DNMT3A: variants seen among roughly 807,000 people sequenced by gnomAD.
DNMT3A encodes DNA methyltransferase 3 alpha, also known as DNA (cytosine-5)-methyltransferase 3A.
Under a neutral mutation model 117.6 loss-of-function variants are expected in DNMT3A, and 267 were observed. That is an observed-to-expected ratio of 2.27 (90% CI 2.05 to 2.51). The LOEUF is 2.51. DNMT3A is among the 30% of genes most tolerant of loss of function. DNMT3A has a pLI of 0.00. For synonymous variants in DNMT3A, 432 were observed against 474.8 expected (o/e 0.91, Z 1.17); for missense variants, 1,029 against 1,260.2 (o/e 0.82, Z 2.78).
rs2149307552 is a variant in DNMT3A, at chr2:25,247,630, G to A, written c.975C>T (p.Thr325=). 1 of 1,614,000 alleles carries A rather than the reference G, an allele frequency of 6.2e-7. No individual in the cohort carries two copies. The highest frequency in any genetic ancestry group is 8.5e-7 in the Non-Finnish European group (1 of 1,180,004). Residue 325 remains threonine, a synonymous_variant, in exon 8 of 23, where the codon ACC becomes ACT. Coordinates refer to ENST00000321117, the MANE Select transcript of DNMT3A (RefSeq NM_022552.5). The surrounding 1 kb of genome is among the most constrained non-coding windows in gnomAD (Gnocchi z 5.6). ...MTGRSRAAEG[T]RWVMWFGDGK... is the part of the protein sequence containing the mutation. Reference sequence around the variant, plus strand: ...CGTCTCCGAACCACATGACCCAGCGGGTGCCTTCAGCTGCTCGGCTCCGGC... The same window carrying A: ...CGTCTCCGAACCACATGACCCAGCGAGTGCCTTCAGCTGCTCGGCTCCGGC...
At chr2:25,295,979 T>C (rs79146187) in intron 3 of DNMT3A, among the ~76,000 whole-genome samples, 1 of 152,222 alleles carries the variant, frequency 6.6e-6, no homozygotes, top group Non-Finnish European at 1.5e-5. Flanking sequence ...TGGTTCCAGA[T>C]TTTTAAATTC....
intron 1 of DNMT3A, among the ~76,000 whole-genome samples, chr2:25,317,585 A>C (rs2034432732): frequency 6.6e-6 from 1 of 152,232 alleles, no homozygotes; most frequent in South Asian, 2.1e-4. Flanking sequence ...CGAGAGGCTG[A>C]GTGAGAGTAG....
At chr2:25,300,997 A>T (rs1037139396) in intron 2 of DNMT3A, among the ~76,000 whole-genome samples, 2 of 151,632 alleles carry the variant, frequency 1.3e-5, no homozygotes, top group Non-Finnish European at 1.5e-5. Flanking sequence ...ATCGCTGGGC[A>T]TGGTGGCTCA....
intron 6 of DNMT3A, among the ~76,000 whole-genome samples, chr2:25,272,795 C>T (rs559546557): frequency 1.3e-4 from 18 of 137,664 alleles, no homozygotes; most frequent in Non-Finnish European, 2.1e-4. Context: ...CCCTGTTCTG[C>T]ACTTTCTCTT....
Position 25,282,703 on chromosome 2 carries a change from G to A in DNMT3A, c.186C>T (p.Ser62=), listed in dbSNP as rs775703720. The A allele has an allele frequency of 2.1e-5, 32 of 1,525,728 alleles. No individual in the cohort carries two copies. Among genetic ancestry groups the A allele is most frequent in the Non-Finnish European group, 2.5e-5 (28 of 1,135,824 alleles). 94.5% of individuals were successfully genotyped at this position (1,525,728 alleles called of 1,614,324 possible). A position where few individuals can be genotyped will look rare whatever the true frequency, so the allele number is the denominator to read the frequency against. Residue 62 remains serine, a synonymous_variant, in exon 4 of 23, where the codon AGC becomes AGT. Transcript: ENST00000321117. This position sits in a 1 kb window ranked among gnomAD's most constrained non-coding sequence, Gnocchi z 5.2. ...GRKRKHPPVE[S]GDTPKDPAVI... ...CCGCAGGGTCCTTTGGCGTGTCACC[G>A]CTTTCCACCTGCAAATGTAAGAAAG... is the stretch of plus-strand genomic sequence containing the variant.
chr2:25,305,938 G>A lies in DNMT3A; in HGVS notation c.73-5695C>T, dbSNP rs1019092551. On this transcript the variant is annotated intron_variant, in intron 2 of 22. Coordinates refer to ENST00000321117, the MANE Select transcript of DNMT3A (RefSeq NM_022552.5). This position sits in a 1 kb window ranked among gnomAD's most constrained non-coding sequence, Gnocchi z 4.1. The stretch of plus-strand genomic sequence containing the variant: ...CCAGCATCGGTTGAGCAGATGTCTC[G>A]AGTTGGTGCTTGAGTCGAGGGGATG... Among the ~76,000 whole-genome samples the A allele has an allele frequency of 4.6e-5, 7 of 152,200 alleles. No homozygotes were observed. Among genetic ancestry groups the A allele is most frequent in the African/African-American group, 1.4e-4 (6 of 41,454 alleles).
At position 25,282,580 on chromosome 2, in the gene DNMT3A, C is replaced by T. The variant is rs770121557; in HGVS notation, c.309G>A (p.Glu103=). 8.7e-6 allele frequency: 14 copies of T among 1,613,506 alleles called. No individual in the cohort carries two copies. Among genetic ancestry groups the T allele is most frequent in the Admixed American group, 3.3e-5 (2 of 59,982 alleles). ...CCTTCTGCCCCCCAGCAGGGCTCCC[C>T]TCCTCTGGCTGGGGCTCACTCCGCT... ...LEKRSEPQPE[E]GSPAGGQKGG... is the part of the protein sequence containing the mutation. Residue 103 remains glutamate, a synonymous_variant, in exon 4 of 23, where the codon GAG becomes GAA. Coordinates refer to ENST00000321117, the MANE Select transcript of DNMT3A (RefSeq NM_022552.5). The surrounding 1 kb of genome is among the most constrained non-coding windows in gnomAD (Gnocchi z 5.2).
chr2:25,259,144 G>A lies in DNMT3A; in HGVS notation c.640-10892C>T, dbSNP rs1408482234. On this transcript the variant is annotated intron_variant, in intron 6 of 22. Coordinates refer to ENST00000321117, the MANE Select transcript of DNMT3A (RefSeq NM_022552.5). ...CGCCATCAGGCTCTGGAGCTTTGGT[G>A]GCTGCCTTCCCTTTCCCTATAGCCT... Among the ~76,000 whole-genome samples the A allele has an allele frequency of 2.0e-5, 3 of 152,216 alleles. No homozygotes were observed. In the East Asian group the frequency reaches 5.8e-4, roughly 29 times the overall value.
chr2:25,246,852 C>CT, intron 9 of DNMT3A, 76 bp from the exon 10 acceptor site: 1 of 1,579,954 alleles, frequency 6.3e-7, no homozygotes, highest in Non-Finnish European at 8.6e-7. Context: ...AGGCCAGACT[C>CT]TGAGTAGTGA....
At chr2:25,245,825 A>T (rs1265130291) in intron 12 of DNMT3A, among the ~76,000 whole-genome samples, 195 bp downstream of exon 12, 4 of 152,250 alleles carry the variant, frequency 2.6e-5, no homozygotes, top group Non-Finnish European at 5.9e-5. Context: ...CACACCCTGA[A>T]GACCAGCCCA....
chr2:25,283,074 A>G (rs2032009306), intron 3 of DNMT3A, among the ~76,000 whole-genome samples: 1 of 152,058 alleles, frequency 6.6e-6, no homozygotes, highest in South Asian at 2.1e-4. Context: ...TAAAAAAGAA[A>G]TGCTCCGGCC....
Position 25,275,004 on chromosome 2 carries a change from C to G in DNMT3A, c.576G>C (p.Ala192=). The change falls in exon 6 of 23, where the codon GCG becomes GCC. Residue 192 remains alanine, a synonymous_variant. Transcript: ENST00000321117. The part of the protein sequence containing the change: ...QRPMPRLTFQ[A]GDPYYISKRK... Reference sequence around the variant, plus strand: ...GCTTGCTGATGTAGTAGGGGTCCCCCGCCTGGAAGGTGAGCCTCGGCATGG... The same window carrying G: ...GCTTGCTGATGTAGTAGGGGTCCCCGGCCTGGAAGGTGAGCCTCGGCATGG... 6.2e-7 allele frequency: 1 copy of G among 1,613,662 alleles called. No individual in the cohort carries two copies. The highest frequency in any genetic ancestry group is 8.5e-7 in the Non-Finnish European group (1 of 1,179,886).
In DNMT3A at chr2:25,246,317, A is replaced by G; in HGVS notation, c.1280-8T>C. On this transcript the variant is annotated splice_polypyrimidine_tract_variant and splice_region_variant and intron_variant, in intron 10 of 22. Transcript: ENST00000321117. ...TGTAGGGATTCTTCTCTTCTGGAGG[A>G]GGAAAGCAGGTGCCAAGGTCAGTTA... 6.3e-7 allele frequency: 1 copy of G among 1,592,482 alleles called. No homozygotes were observed. The highest frequency in any genetic ancestry group is 8.6e-7 in the Non-Finnish European group (1 of 1,167,956).
At position 25,252,936 on chromosome 2, in the gene DNMT3A, C is replaced by CG. The variant is rs544742607; in HGVS notation, c.640-4685dup. On this transcript the variant is annotated intron_variant, in intron 6 of 22. Transcript: ENST00000321117. This position sits in a 1 kb window ranked among gnomAD's most constrained non-coding sequence, Gnocchi z 5.5. ...TCCACACTACAGGTGAATAGAGAAGCGGGGGGGCCTCAAAAAGCGCGGCGT... is the reference window on the plus strand; with the variant it reads ...TCCACACTACAGGTGAATAGAGAAGCGGGGGGGGCCTCAAAAAGCGCGGCGT... 1.4e-3 allele frequency among the ~76,000 whole-genome samples: 220 copies of CG among 152,024 alleles called. No homozygotes were observed. Among genetic ancestry groups the CG allele is most frequent in the Admixed American group, 3.2e-3 (49 of 15,266 alleles).
chr2:25,322,684 A>C, intron 1 of DNMT3A, among the ~76,000 whole-genome samples: 1 of 132,132 alleles, frequency 7.6e-6, no homozygotes, highest in African/African-American at 2.9e-5. Flanking sequence ...CCCCAGCCTC[A>C]TCAGCACCCC....
In DNMT3A at chr2:25,247,255, A is replaced by G. The variant is rs1264394465; in HGVS notation, c.1015-97T>C. On this transcript the variant is annotated intron_variant, in intron 8 of 22. Transcript: ENST00000321117. The surrounding 1 kb of genome is among the most constrained non-coding windows in gnomAD (Gnocchi z 5.6). ...GCAGGGGCTGGGAGCCTCGAGAGTC[A>G]GTCTCAGCCCTGGAGGGGACCAGAT... 8.0e-7 allele frequency: 1 copy of G among 1,245,812 alleles called. No homozygotes were observed. The highest frequency in any genetic ancestry group is 1.5e-5 in the African/African-American group (1 of 66,962). The allele number at this position is 1,245,812 out of a possible 1,614,324, so 77.2% of individuals were successfully genotyped here.
chr2:25,251,866 C>T (rs1435372870), intron 6 of DNMT3A: 4 of 415,492 alleles, frequency 9.6e-6, no homozygotes, highest in Non-Finnish European at 1.7e-5. Flanking sequence ...CTGCCTCCAA[C>T]CCAACTCCTG....
chr2:25,269,300 G>C (rs996440228), intron 6 of DNMT3A, among the ~76,000 whole-genome samples: 4 of 152,334 alleles, frequency 2.6e-5, no homozygotes, highest in Admixed American at 2.0e-4. Context: ...CTGCACCCCA[G>C]CCTGGGAGAC....
chr2:25,282,187 G>C lies in DNMT3A; in HGVS notation c.448+254C>G. On this transcript the variant is annotated intron_variant, in intron 4 of 22. Transcript: ENST00000321117. This position sits in a 1 kb window ranked among gnomAD's most constrained non-coding sequence, Gnocchi z 5.2. Reference sequence around the variant, plus strand: ...TTTTTCATGAGAAGCCAAAACTCCAGATTTTTATGTGAAATTTTTTGATTT... The same window carrying C: ...TTTTTCATGAGAAGCCAAAACTCCACATTTTTATGTGAAATTTTTTGATTT... 2 of 1,234,106 alleles carry C rather than the reference G, an allele frequency of 1.6e-6. No homozygotes were observed. The highest frequency in any genetic ancestry group is 2.1e-6 in the Non-Finnish European group (2 of 972,694). The allele number at this position is 1,234,106 out of a possible 1,614,324, so 76.4% of individuals were successfully genotyped here.
Sources: gnomAD v4.1 joint callset for allele counts (sites outside exome capture counted in the v4.1 genomes callset) on GRCh38, gnomAD v4.1.1 for gene constraint, Gnocchi (gnomAD v3.1) non-coding constraint, MANE v1.5 for transcripts, NCBI Gene and HGNC (gene_info 2026-07-23, HGNC 2026-07-21) for gene names.